The following AVEN variants were observed in gnomAD, a reference collection of about 807,000 sequenced individuals.
AVEN encodes apoptosis and caspase activation inhibitor.
Under a neutral mutation model 38.1 loss-of-function variants are expected in AVEN, and 41 were observed. The ratio of observed to expected loss-of-function variants is 1.08; its 90% CI spans 0.84 to 1.40. The LOEUF (loss-of-function observed/expected upper bound fraction) is 1.40, where lower values mean the gene tolerates loss of function less well. Ranked by LOEUF, AVEN falls within the 40% of genes most tolerant of loss-of-function variation. The probability of loss-of-function intolerance (pLI) is 0.00; values close to 1 mark genes in which losing one functional copy is unlikely to be tolerated. For synonymous variants in AVEN, 206 were observed against 171.8 expected (o/e 1.20, Z -1.56); for missense variants, 605 against 438.8 (o/e 1.38, Z -3.38).
At chr15:33,941,835 G>A (rs914295268) in intron 2 of AVEN, among the ~76,000 whole-genome samples, 32 of 152,144 alleles carry the variant, frequency 2.1e-4, no homozygotes, top group African/African-American at 7.5e-4. Flanking sequence ...GGCAATACTT[G>A]TACAAGTAGA....
At chr15:33,974,277 A>G (rs1439905353) in intron 2 of AVEN, among the ~76,000 whole-genome samples, 1 of 152,228 alleles carries the variant, frequency 6.6e-6, no homozygotes, top group African/African-American at 2.4e-5. Context: ...TTCAAAGATG[A>G]GTGGAGAAAG....
At chr15:33,985,976 C>G (rs1391132208) in intron 2 of AVEN, among the ~76,000 whole-genome samples, 2 of 152,190 alleles carry the variant, frequency 1.3e-5, no homozygotes, top group Non-Finnish European at 2.9e-5. Flanking sequence ...AGATCTAACT[C>G]ACATAGCATT....
intron 5 of AVEN, among the ~76,000 whole-genome samples, chr15:34,052,710 C>G (rs900658449): frequency 6.6e-6 from 1 of 152,142 alleles, no homozygotes; most frequent in Admixed American, 6.5e-5. Context: ...AACAGGAAAG[C>G]ACAGAGCCAA....
intron 2 of AVEN, among the ~76,000 whole-genome samples, chr15:33,894,831 AT>A (rs1567401356): frequency 2.9e-4 from 1 of 3,470 alleles, no homozygotes; most frequent in African/African-American, 4.4e-4. Flanking sequence ...AATAATAACA[AT>A]AATAATAATA....
chr15:33,871,835 C>G (rs954958838), intron 3 of AVEN, among the ~76,000 whole-genome samples: 7 of 150,614 alleles, frequency 4.6e-5, no homozygotes, highest in African/African-American at 1.7e-4. Context: ...CCAGTTTGCC[C>G]CATAAAGGGC....
At chr15:33,859,488 C>A (rs2080106126) in intron 11 of AVEN, 2 of 1,492,964 alleles carry the variant, frequency 1.3e-6, no homozygotes, top group Middle Eastern at 1.7e-4. Flanking sequence ...CTGCCACAAT[C>A]TGACCGAATC....
At chr15:33,901,585 C>G (rs569713072) in intron 2 of AVEN, among the ~76,000 whole-genome samples, 1 of 152,130 alleles carries the variant, frequency 6.6e-6, no homozygotes, top group Non-Finnish European at 1.5e-5. Context: ...ATTTAGGAAC[C>G]TCCATACTGT....
intron 1 of AVEN, among the ~76,000 whole-genome samples, chr15:34,005,160 T>C (rs1015431846): frequency 1.7e-4 from 26 of 152,184 alleles, no homozygotes; most frequent in Non-Finnish European, 3.2e-4. Flanking sequence ...TACTTCTTTT[T>C]GGTCACTAGA....
intron 1 of AVEN, among the ~76,000 whole-genome samples, chr15:34,037,608 T>A (rs1424238263): frequency 6.6e-6 from 1 of 150,562 alleles, no homozygotes; most frequent in African/African-American, 2.4e-5. Context: ...GGGCACTAGG[T>A]TGGTCTTAGT....
intron 5 of AVEN, among the ~76,000 whole-genome samples, chr15:34,055,198 A>G (rs1380634339): frequency 6.6e-6 from 1 of 151,542 alleles, no homozygotes; most frequent in Non-Finnish European, 1.5e-5. Flanking sequence ...GTCTCAAAAA[A>G]AAAAAAGTAA....
intron 4 of AVEN, among the ~76,000 whole-genome samples, chr15:33,869,862 G>T (rs1018716991): frequency 1.2e-4 from 18 of 149,896 alleles, no homozygotes; most frequent in Non-Finnish European, 2.5e-4. Flanking sequence ...GAATGTTGAA[G>T]TTCTTCATGG....
intron 5 of AVEN, among the ~76,000 whole-genome samples, chr15:34,055,481 G>A (rs1002710512): frequency 6.6e-6 from 1 of 151,804 alleles, no homozygotes; most frequent in Admixed American, 6.6e-5. Context: ...TTCCAGCCTG[G>A]GCAACAGAGT....
chr15:33,990,340 C>A (rs1329824061), intron 2 of AVEN, among the ~76,000 whole-genome samples: 1 of 152,116 alleles, frequency 6.6e-6, no homozygotes, highest in African/African-American at 2.4e-5. Context: ...CGAGATCACG[C>A]CACTGCCCTC....
At chr15:33,965,619 A>T (rs1454882530) in intron 2 of AVEN, among the ~76,000 whole-genome samples, 1 of 152,174 alleles carries the variant, frequency 6.6e-6, no homozygotes, top group African/African-American at 2.4e-5. Context: ...TGTTTAGCCA[A>T]CTTTACAGTG....
At chr15:33,933,506 CACACACACACACACACACA>C (rs1343639898) in intron 2 of AVEN, among the ~76,000 whole-genome samples, 149 of 118,302 alleles carry the variant, frequency 1.3e-3, no homozygotes, top group Non-Finnish European at 2.3e-3. Context: ...CACACACACA[CACACACACACACACACACA>C]GAGAGAGAGA....
chr15:33,875,871 AGCCTTCAGCCT>A (rs1891202629), intron 3 of AVEN, 43 bp downstream of exon 3: 2 of 1,478,548 alleles, frequency 1.4e-6, no homozygotes, highest in African/African-American at 2.8e-5. Flanking sequence ...AAAAGGTGTT[AGCCTTCAGCCT>A]TGAAGAAGAG....
intron 2 of AVEN, among the ~76,000 whole-genome samples, chr15:33,912,911 CAG>C (rs917063247): frequency 2.3e-4 from 33 of 143,468 alleles, no homozygotes; most frequent in Admixed American, 2.0e-3. Context: ...TTTTTTGAGA[CAG>C]AGTTTCGCTC....
intron 2 of AVEN, among the ~76,000 whole-genome samples, chr15:33,965,361 A>G (rs1160049579): frequency 6.6e-6 from 1 of 152,168 alleles, no homozygotes; most frequent in African/African-American, 2.4e-5. Flanking sequence ...GATTATACAT[A>G]TTGAAATGCC....
At chr15:33,872,695 C>A (rs976920916) in intron 3 of AVEN, among the ~76,000 whole-genome samples, 1 of 152,156 alleles carries the variant, frequency 6.6e-6, no homozygotes, top group Non-Finnish European at 1.5e-5. Context: ...GGATAAGTCA[C>A]CATGTCAACA....
Sources: allele counts gnomAD v4.1 joint callset (sites outside exome capture counted in the v4.1 genomes callset), GRCh38; gene constraint gnomAD v4.1.1; transcripts MANE v1.5; gene names NCBI Gene and HGNC (gene_info 2026-07-23, HGNC 2026-07-21).